PLA2G4D: variants seen among roughly 807,000 people sequenced by gnomAD.
The protein encoded by PLA2G4D is cytosolic phospholipase A2 delta.
A neutral mutation model predicts 94.4 loss-of-function variants in PLA2G4D; 80 were observed. The ratio of observed to expected loss-of-function variants is 0.85; its 90% CI spans 0.71 to 1.02. The LOEUF is 1.02. PLA2G4D is among the 50% of genes least tolerant of loss of function. The probability of loss-of-function intolerance (pLI) is 0.00; values close to 1 mark genes in which losing one functional copy is unlikely to be tolerated. For missense variants in PLA2G4D, 1,050 were observed against 1,034.7 expected (o/e 1.01, Z -0.20); for synonymous variants, 438 against 440.9 (o/e 0.99, Z 0.08).
chr15:42,081,097 C>A lies in PLA2G4D; in HGVS notation c.994G>T (p.Ala332Ser), dbSNP rs1358720870. The change falls in exon 12 of 20, where the codon GCC becomes TCC. Residue 332 changes from alanine to serine, a missense_variant. Ala to Ser is a moderately conservative substitution (Grantham distance 99). Transcript: ENST00000290472. ...VVGIMATGGG[A>S]RAMTSLYGHL... ...CCGTAGAGTGAGGTCATGGCCCGGG[C>A]ACCTCCTCCTGTGGCCATGATGCCC... 6.2e-7 allele frequency: 1 copy of A among 1,614,200 alleles called. No individual in the cohort carries two copies. Among genetic ancestry groups the A allele is most frequent in the South Asian group, 1.1e-5 (1 of 91,084 alleles).
chr15:42,090,388 T>C (rs1257243303), intron 1 of PLA2G4D, among the ~76,000 whole-genome samples: 1 of 152,182 alleles, frequency 6.6e-6, no homozygotes. Context: ...CCCCGACAAA[T>C]TAGGGCTGGG....
chr15:42,089,949 G>A (rs995550060), intron 1 of PLA2G4D, among the ~76,000 whole-genome samples: 10 of 152,100 alleles, frequency 6.6e-5, no homozygotes, highest in African/African-American at 1.2e-4. Flanking sequence ...ACCATTCCCC[G>A]GCAGGTTATT....
chr15:42,071,675 C>CCCGGGG, intron 15 of PLA2G4D, 99 bp downstream of exon 15: 2 of 1,407,252 alleles, frequency 1.4e-6, no homozygotes, highest in Non-Finnish European at 2.0e-6. Flanking sequence ...CACCCCTCCC[C>CCCGGGG]CTTGTCCTGA....
In PLA2G4D at chr15:42,072,306, T is replaced by G; in HGVS notation, c.1404A>C (p.Lys468Asn). 10 of 1,613,952 alleles carry G rather than the reference T, an allele frequency of 6.2e-6. No homozygotes were observed. Among genetic ancestry groups the G allele is most frequent in the Non-Finnish European group, 8.5e-6 (10 of 1,179,984 alleles). ...PLPLYLSLNV[K>N]ENNLETLDFK... ...AGTCCAGTGTCTCCAGATTGTTCTC[T>G]TTGACATTGAGGCTCAAGTAGAGGG... Residue 468 changes from lysine to asparagine, a missense_variant, in exon 14 of 20, where the codon AAA becomes AAC. By Grantham distance (94) the Lys-to-Asn change is moderately conservative. Coordinates refer to ENST00000290472, the MANE Select transcript of PLA2G4D (RefSeq NM_178034.4).
At chr15:42,076,360 T>C (rs1889926951) in intron 13 of PLA2G4D, among the ~76,000 whole-genome samples, 1 of 152,070 alleles carries the variant, frequency 6.6e-6, no homozygotes. Context: ...TTTATAAGAA[T>C]GTATAGGAAG....
chr15:42,071,400 G>T, intron 16 of PLA2G4D, 44 bp downstream of exon 16: 1 of 1,580,574 alleles, frequency 6.3e-7, no homozygotes, highest in South Asian at 1.2e-5. Context: ...CATTCTAAAG[G>T]AACAGCGTCA....
intron 4 of PLA2G4D, among the ~76,000 whole-genome samples, chr15:42,085,780 C>A (rs1890131425): frequency 6.6e-6 from 1 of 152,194 alleles, no homozygotes; most frequent in Non-Finnish European, 1.5e-5. Flanking sequence ...CAACTCTGGG[C>A]AAGACTGAAG....
chr15:42,087,814 C>T (rs1208040358), intron 1 of PLA2G4D, 114 bp from the exon 2 acceptor site: 6 of 1,112,196 alleles, frequency 5.4e-6, no homozygotes, highest in East Asian at 2.6e-5. Flanking sequence ...GTGGTGCTGA[C>T]ACCCCTGCCA....
At chr15:42,083,381 C>A in intron 7 of PLA2G4D, 47 bp from the exon 8 acceptor site, 1 of 1,578,290 alleles carries the variant, frequency 6.3e-7, no homozygotes, top group Non-Finnish European at 8.6e-7. Context: ...AGCCCGGAAC[C>A]CCAGCTCGGA....
In PLA2G4D at chr15:42,084,128, C is replaced by T. The variant is rs1890095780; in HGVS notation, c.472-349G>A. ...TGGAGGAGGTATTCTACCACAACTC[C>T]AAATAATCTAAGCAAGCCGCCCATC... On this transcript the variant is annotated intron_variant, in intron 6 of 19. Coordinates refer to ENST00000290472, the MANE Select transcript of PLA2G4D (RefSeq NM_178034.4). This position sits in a 1 kb window ranked among gnomAD's most constrained non-coding sequence, Gnocchi z 4.8. 3.7e-6 allele frequency: 1 copy of T among 270,324 alleles called. No individual in the cohort carries two copies. Among genetic ancestry groups the T allele is most frequent in the South Asian group, 6.2e-5 (1 of 16,202 alleles). 16.7% of individuals were successfully genotyped at this position (270,324 alleles called of 1,614,324 possible).
chr15:42,067,683 T>C lies in PLA2G4D; in HGVS notation c.*1032A>G, dbSNP rs2141089944. On this transcript the variant is annotated 3_prime_UTR_variant, in exon 20 of 20. Coordinates refer to ENST00000290472, the MANE Select transcript of PLA2G4D (RefSeq NM_178034.4). ...CCAAAAACCAATTAATGCAATAGAG[T>C]ACATTAATAAAATACACGACAAAAC... The C allele has an allele frequency of 6.6e-6, 1 of 151,516 alleles. No homozygotes were observed. The highest frequency in any genetic ancestry group is 6.6e-5 in the Admixed American group (1 of 15,248). The allele number at this position is 151,516 out of a possible 1,614,324, so 9.4% of individuals were successfully genotyped here. A position where few individuals can be genotyped will look rare whatever the true frequency, so the allele number is the denominator to read the frequency against.
chr15:42,072,251 G>A (rs201799517), intron 14 of PLA2G4D, 24 bp downstream of exon 14: 1 of 1,583,484 alleles, frequency 6.3e-7, no homozygotes, highest in East Asian at 2.2e-5. Context: ...GGAGTATGTG[G>A]GAGGGGAGTA....
chr15:42,087,262 C>G (rs762207331), intron 3 of PLA2G4D, 38 bp downstream of exon 3: 2 of 1,613,196 alleles, frequency 1.2e-6, no homozygotes, highest in South Asian at 1.1e-5. Flanking sequence ...GGGTCCAGCC[C>G]GTTCACAAGG....
At chr15:42,081,234 C>G in intron 11 of PLA2G4D, 101 bp from the exon 12 acceptor site, 2 of 1,519,278 alleles carry the variant, frequency 1.3e-6, no homozygotes, top group Non-Finnish European at 8.8e-7. Flanking sequence ...GGGAAGGGAC[C>G]GCATAGTTGG....
chr15:42,071,023 C>T, intron 17 of PLA2G4D, 100 bp downstream of exon 17: 1 of 1,543,600 alleles, frequency 6.5e-7, no homozygotes. Context: ...CAGGCCACAC[C>T]CCAGAAGTGG....
intron 1 of PLA2G4D, 144 bp downstream of exon 1, chr15:42,094,271 C>T (rs975910990): frequency 1.1e-6 from 1 of 897,268 alleles, no homozygotes; most frequent in African/African-American, 1.6e-5. Flanking sequence ...CCCACCCCAC[C>T]CACTCTGCAT....
chr15:42,070,081 C>CG lies in PLA2G4D; in HGVS notation c.2057dup (p.Glu687GlyfsTer100). 1 of 1,514,222 alleles carries CG rather than the reference C, an allele frequency of 6.6e-7. No individual in the cohort carries two copies. Among genetic ancestry groups the CG allele is most frequent in the Non-Finnish European group, 8.8e-7 (1 of 1,132,346 alleles). The allele number at this position is 1,514,222 out of a possible 1,614,324, so 93.8% of individuals were successfully genotyped here. On this transcript the variant is annotated frameshift_variant, in exon 19 of 20. Coordinates refer to ENST00000290472, the MANE Select transcript of PLA2G4D (RefSeq NM_178034.4). LOFTEE classifies it high-confidence loss of function. ...GCCCCCGGGCCCGGCAGTACAGCTC[C>CG]GTCTGCTGCAGTGCCTGGTGGGGAG...
chr15:42,094,227 G>A (rs562435421), intron 1 of PLA2G4D, among the ~76,000 whole-genome samples, 188 bp downstream of exon 1: 1 of 152,130 alleles, frequency 6.6e-6, no homozygotes, highest in Admixed American at 6.5e-5. Context: ...CCAGACTCAC[G>A]TTTCCCAGCC....
chr15:42,077,347 T>G (rs1026239895), intron 13 of PLA2G4D, among the ~76,000 whole-genome samples: 3 of 152,206 alleles, frequency 2.0e-5, no homozygotes, highest in African/African-American at 7.2e-5. Context: ...AATACTATCA[T>G]ACGAAATTCA....
Sources: allele counts gnomAD v4.1 joint callset (sites outside exome capture counted in the v4.1 genomes callset), GRCh38; gene constraint gnomAD v4.1.1; non-coding constraint Gnocchi (gnomAD v3.1); transcripts MANE v1.5; gene names NCBI Gene and HGNC (gene_info 2026-07-23, HGNC 2026-07-21).